The following MAP4K3 variants were observed in gnomAD, a reference collection of about 807,000 sequenced individuals.
MAP4K3 encodes MAPK/ERK kinase kinase kinase 3.
Under a neutral mutation model 143.5 loss-of-function variants are expected in MAP4K3, and 94 were observed. That is an observed-to-expected ratio of 0.65 (90% CI 0.55 to 0.78). The LOEUF (loss-of-function observed/expected upper bound fraction) is 0.78. Among genes scored for constraint, MAP4K3 ranks in the 30% least tolerant of loss-of-function variants. MAP4K3 has a pLI of 0.00. For synonymous variants in MAP4K3, 416 were observed against 347.2 expected (o/e 1.20, Z -2.20); for missense variants, 1,077 against 1,068.1 (o/e 1.01, Z -0.12).
At chr2:39,314,421 A>C (rs1039295693) in intron 13 of MAP4K3, among the ~76,000 whole-genome samples, 1 of 152,256 alleles carries the variant, frequency 6.6e-6, no homozygotes, top group Non-Finnish European at 1.5e-5. Context: ...TCACATGCTA[A>C]GGATGCCATT....
intron 2 of MAP4K3, among the ~76,000 whole-genome samples, chr2:39,365,594 G>C (rs972505438): frequency 6.6e-6 from 1 of 150,984 alleles, no homozygotes; most frequent in Non-Finnish European, 1.5e-5. Context: ...ACAGGCGCCC[G>C]CCACCGCGCC....
chr2:39,264,824 TTATGGTTACCCCTAGTTCTCC>T (rs1680704239), intron 28 of MAP4K3, among the ~76,000 whole-genome samples: 1 of 152,230 alleles, frequency 6.6e-6, no homozygotes, highest in Non-Finnish European at 1.5e-5. Flanking sequence ...TTCCCTGTCA[TTATGGTTACCCCTAGTTCTCC>T]TAGGCCAAAC....
At chr2:39,414,577 G>C (rs1196356333) in intron 1 of MAP4K3, among the ~76,000 whole-genome samples, 1 of 152,026 alleles carries the variant, frequency 6.6e-6, no homozygotes, top group Non-Finnish European at 1.5e-5. Context: ...ATTCTCTTAA[G>C]AGTATGTACC....
At chr2:39,396,091 T>C (rs560386438) in intron 1 of MAP4K3, among the ~76,000 whole-genome samples, 3 of 152,336 alleles carry the variant, frequency 2.0e-5, no homozygotes, top group East Asian at 1.9e-4. Flanking sequence ...AGCTGGAATG[T>C]AGTGGCATCA....
At chr2:39,347,523 T>C (rs1665327179) in intron 3 of MAP4K3, among the ~76,000 whole-genome samples, 1 of 152,186 alleles carries the variant, frequency 6.6e-6, no homozygotes. Flanking sequence ...GTAAAGGACC[T>C]GGAATATAGC....
chr2:39,262,503 T>C (rs887627728), intron 28 of MAP4K3, among the ~76,000 whole-genome samples: 1 of 152,082 alleles, frequency 6.6e-6, no homozygotes, highest in African/African-American at 2.4e-5. Flanking sequence ...AAAAAACCAA[T>C]GCTTCTGATT....
chr2:39,399,647 G>C (rs1666901854), intron 1 of MAP4K3, among the ~76,000 whole-genome samples: 1 of 152,194 alleles, frequency 6.6e-6, no homozygotes, highest in South Asian at 2.1e-4. Flanking sequence ...TTTTAGTGAA[G>C]ACTGCCTAGC....
At chr2:39,279,311 G>C (rs1558617979) in intron 23 of MAP4K3, among the ~76,000 whole-genome samples, 1 of 152,130 alleles carries the variant, frequency 6.6e-6, no homozygotes, top group Non-Finnish European at 1.5e-5. Context: ...TAAGATTTGT[G>C]GTCAGACAGT....
chr2:39,255,906 T>C (rs1680323505), intron 31 of MAP4K3, among the ~76,000 whole-genome samples: 1 of 152,208 alleles, frequency 6.6e-6, no homozygotes, highest in South Asian at 2.1e-4. Context: ...CCACTGAACC[T>C]GTGGATTAAC....
chr2:39,331,869 C>G, intron 8 of MAP4K3, 48 bp downstream of exon 8: 1 of 1,214,820 alleles, frequency 8.2e-7, no homozygotes, highest in Non-Finnish European at 1.2e-6. Flanking sequence ...AATGCTATAT[C>G]CAATAATGAT....
At chr2:39,281,043 C>T (rs979724246) in intron 22 of MAP4K3, among the ~76,000 whole-genome samples, 3 of 152,074 alleles carry the variant, frequency 2.0e-5, no homozygotes, top group African/African-American at 7.2e-5. Flanking sequence ...AAAATATTAA[C>T]TCTGAAATTA....
At chr2:39,269,562 C>T (rs1680925340) in intron 26 of MAP4K3, among the ~76,000 whole-genome samples, 2 of 144,506 alleles carry the variant, frequency 1.4e-5, no homozygotes, top group African/African-American at 5.1e-5. Context: ...GCAACCTCTG[C>T]CTCTTGGGTT....
At chr2:39,289,865 A>T (rs530628128) in intron 19 of MAP4K3, among the ~76,000 whole-genome samples, 81 of 152,282 alleles carry the variant, frequency 5.3e-4, no homozygotes, top group East Asian at 1.7e-3. Flanking sequence ...CAGGCAGATC[A>T]CCTGAGGTCA....
chr2:39,293,699 A>G (rs1296619806), intron 16 of MAP4K3: 1 of 164,584 alleles, frequency 6.1e-6, no homozygotes, highest in Non-Finnish European at 1.3e-5. Flanking sequence ...GGAAGGTGAC[A>G]CACTTCAAAA....
intron 1 of MAP4K3, among the ~76,000 whole-genome samples, chr2:39,400,494 T>C (rs1666922856): frequency 6.6e-6 from 1 of 152,174 alleles, no homozygotes; most frequent in African/African-American, 2.4e-5. Flanking sequence ...TGTCAAATGT[T>C]GAGCTTAGGT....
At chr2:39,395,968 A>G (rs1666793660) in intron 1 of MAP4K3, among the ~76,000 whole-genome samples, 1 of 152,236 alleles carries the variant, frequency 6.6e-6, no homozygotes, top group African/African-American at 2.4e-5. Context: ...TGTAGAATAT[A>G]TGTATACTTA....
chr2:39,265,892 T>C (rs73924823), intron 27 of MAP4K3, among the ~76,000 whole-genome samples: 12,115 of 152,080 alleles, frequency 0.08, 1,642 homozygotes, highest in African/African-American at 0.28. Flanking sequence ...CTTCTGGTTA[T>C]AAACCAGAAG....
At chr2:39,403,083 G>C (rs1283736819) in intron 1 of MAP4K3, among the ~76,000 whole-genome samples, 1 of 152,064 alleles carries the variant, frequency 6.6e-6, no homozygotes, top group Non-Finnish European at 1.5e-5. Flanking sequence ...TCCAAACCCA[G>C]ATGGCTTTGC....
intron 12 of MAP4K3, among the ~76,000 whole-genome samples, chr2:39,319,350 C>T (rs552760279): frequency 2.0e-5 from 3 of 152,062 alleles, no homozygotes; most frequent in African/African-American, 7.2e-5. Flanking sequence ...ATTCCACGTA[C>T]AGTTTATCCT....
Sources: allele counts gnomAD v4.1 joint callset (sites outside exome capture counted in the v4.1 genomes callset), GRCh38; gene constraint gnomAD v4.1.1; transcripts MANE v1.5; gene names NCBI Gene and HGNC (gene_info 2026-07-23, HGNC 2026-07-21).